The following ABCC9 variants were observed in gnomAD, a reference collection of about 807,000 sequenced individuals.
The protein encoded by ABCC9 is ATP-binding cassette sub-family C member 9.
In ABCC9, 95 loss-of-function variants were observed where a neutral mutation model predicts 188.3. The ratio of observed to expected loss-of-function variants is 0.50; its 90% CI spans 0.43 to 0.60. ABCC9 has a LOEUF of 0.60. Among genes scored for constraint, ABCC9 ranks in the 20% least tolerant of loss-of-function variants. The pLI is 0.00. For missense variants in ABCC9, 1,102 were observed against 1,876.3 expected (o/e 0.59, Z 7.62); for synonymous variants, 659 against 652.7 (o/e 1.01, Z -0.15).
intron 15 of ABCC9, among the ~76,000 whole-genome samples, chr12:21,883,259 C>G (rs112554291): frequency 6.6e-6 from 1 of 152,272 alleles, no homozygotes; most frequent in African/African-American, 2.4e-5. Flanking sequence ...ATCTGTTAGG[C>G]TATGATATGG....
intron 30 of ABCC9, chr12:21,830,995 T>TATCTATCTATC (rs1165502123): frequency 5.9e-5 from 9 of 151,730 alleles, no homozygotes; most frequent in Admixed American, 3.9e-4. Flanking sequence ...TCTATCTATC[T>TATCTATCTATC]ATCTATCTAT....
chr12:21,911,471 G>A (rs956736581), intron 8 of ABCC9, among the ~76,000 whole-genome samples: 1 of 151,818 alleles, frequency 6.6e-6, no homozygotes. Flanking sequence ...AGGTAATTTG[G>A]CTATATCACC....
Position 21,809,893 on chromosome 12 carries a change from G to A in ABCC9, c.4274C>T (p.Ala1425Val). Reference protein sequence around the residue: ...DDRLWEALEIAQLKNMVKSLP... With the variant: ...DDRLWEALEIVQLKNMVKSLP... ...AGATTTGACCATATTCTTCAGCTGA[G>A]CAATTTCTAAGGCTTCCCAGAGTCT... Residue 1425 changes from alanine to valine, a missense_variant, in exon 37 of 40, where the codon GCT (alanine) becomes GTT (valine). This residue lies in a region of ABCC9 where 67 missense variants were observed against 101.0 expected (regional missense o/e 0.66). Transcript: ENST00000261200. 6.2e-7 allele frequency: 1 copy of A among 1,612,502 alleles called. No individual in the cohort carries two copies. Among genetic ancestry groups the A allele is most frequent in the Non-Finnish European group, 8.5e-7 (1 of 1,179,260 alleles).
intron 10 of ABCC9, 57 bp from the exon 11 acceptor site, chr12:21,908,268 T>G: frequency 6.3e-7 from 1 of 1,581,682 alleles, no homozygotes; most frequent in Non-Finnish European, 8.7e-7. Flanking sequence ...AGCCATTGCA[T>G]GAAAGGACAT....
intron 30 of ABCC9, among the ~76,000 whole-genome samples, chr12:21,836,793 A>C (rs1207804367): frequency 6.6e-6 from 1 of 152,202 alleles, no homozygotes; most frequent in East Asian, 1.9e-4. Flanking sequence ...GTGGGGGATG[A>C]ACTGATAGGG....
Position 21,883,430 on chromosome 12 carries a change from G to A in ABCC9, c.1912-557C>T, listed in dbSNP as rs536236208. 4.6e-5 allele frequency among the ~76,000 whole-genome samples: 7 copies of A among 152,302 alleles called. No homozygotes were observed. The South Asian group carries it at 8.3e-4, about 18-fold the overall frequency. ...TGCTCTCATGCCTGCCACCATGTAA[G>A]ATGTGCCTTTGCTTCTCCTTTGCCT... On this transcript the variant is annotated intron_variant, in intron 15 of 39. Transcript: ENST00000261200.
At chr12:21,882,968 A>C (rs1264588190) in intron 15 of ABCC9, 95 bp from the exon 16 acceptor site, 15 of 913,354 alleles carry the variant, frequency 1.6e-5, no homozygotes, top group Non-Finnish European at 2.7e-5. Flanking sequence ...AAGTTCCAAG[A>C]AAAAGAAGTG....
chr12:21,866,170 G>A (rs1449649571), intron 18 of ABCC9, among the ~76,000 whole-genome samples: 4 of 152,040 alleles, frequency 2.6e-5, no homozygotes, highest in Non-Finnish European at 5.9e-5. Flanking sequence ...CTGAAATGTA[G>A]GTGTAAATGG....
chr12:21,895,258 G>C lies in ABCC9; in HGVS notation c.1659+17C>G. 1 of 1,608,434 alleles carries C rather than the reference G, an allele frequency of 6.2e-7. No individual in the cohort carries two copies. The highest frequency in any genetic ancestry group is 8.5e-7 in the Non-Finnish European group (1 of 1,175,092). ...CTGACTTGGTTTCATTTCTAAAAGA[G>C]AGAAAAAGTGTCTTACAGCAAGAAC... On this transcript the variant is annotated intron_variant, in intron 13 of 39. Coordinates refer to ENST00000261200, the MANE Select transcript of ABCC9 (RefSeq NM_020297.4).
intron 39 of ABCC9, chr12:21,805,293 T>C (rs1433635911): frequency 6.2e-7 from 1 of 1,613,768 alleles, no homozygotes; most frequent in African/African-American, 1.3e-5. Flanking sequence ...CCTGCATCCA[T>C]AATAGAAGAG....
chr12:21,876,233 A>G (rs1483279108), intron 16 of ABCC9, among the ~76,000 whole-genome samples: 1 of 152,198 alleles, frequency 6.6e-6, no homozygotes, highest in East Asian at 1.9e-4. Context: ...AGAATGCTAA[A>G]ATCTCTGAAA....
intron 24 of ABCC9, among the ~76,000 whole-genome samples, chr12:21,849,990 CAT>C (rs1317267350): frequency 6.6e-6 from 1 of 151,910 alleles, no homozygotes; most frequent in African/African-American, 2.4e-5. Flanking sequence ...TCAAGCACTG[CAT>C]TAGGAAATTT....
intron 18 of ABCC9, among the ~76,000 whole-genome samples, chr12:21,872,288 A>G (rs1456082317): frequency 6.6e-6 from 1 of 152,190 alleles, no homozygotes; most frequent in East Asian, 1.9e-4. Context: ...TAAATAATGC[A>G]CATTTTCCAT....
At chr12:21,876,570 A>G (rs1946360156) in intron 16 of ABCC9, among the ~76,000 whole-genome samples, 1 of 152,212 alleles carries the variant, frequency 6.6e-6, no homozygotes, top group African/African-American at 2.4e-5. Flanking sequence ...AAAAATCACA[A>G]TACCTTCTAT....
At chr12:21,933,690 A>C in intron 4 of ABCC9, 92 bp downstream of exon 4, 2 of 1,492,584 alleles carry the variant, frequency 1.3e-6, no homozygotes, top group South Asian at 2.3e-5. Flanking sequence ...TATAAAGCAC[A>C]TTTATGGGCA....
At chr12:21,820,174 A>G (rs1942952798) in intron 31 of ABCC9, among the ~76,000 whole-genome samples, 1 of 152,138 alleles carries the variant, frequency 6.6e-6, no homozygotes, top group Non-Finnish European at 1.5e-5. Flanking sequence ...AAAGTCTCAT[A>G]GAGTTTCTGT....
Position 21,910,967 on chromosome 12 carries a change from G to C in ABCC9, c.1023C>G (p.Thr341=), listed in dbSNP as rs369597360. Reference sequence around the variant, plus strand: ...TTTCAAGAAATTCCTTTGATGAGAGGGTTTCTGAAATCTGGTCCCCAAAGA... The same window carrying C: ...TTTCAAGAAATTCCTTTGATGAGAGCGTTTCTGAAATCTGGTCCCCAAAGA... ...GTNNTTGISE[T]LSSKEFLENA... is the part of the protein sequence containing the mutation. The change falls in exon 9 of 40, where the codon ACC becomes ACG. Residue 341 remains threonine, a synonymous_variant. Coordinates refer to ENST00000261200, the MANE Select transcript of ABCC9 (RefSeq NM_020297.4). The C allele has an allele frequency of 6.2e-7, 1 of 1,611,882 alleles. No homozygotes were observed. The highest frequency in any genetic ancestry group is 8.5e-7 in the Non-Finnish European group (1 of 1,178,500).
intron 35 of ABCC9, among the ~76,000 whole-genome samples, chr12:21,812,697 C>T (rs1309435773): frequency 1.3e-5 from 2 of 151,584 alleles, no homozygotes; most frequent in East Asian, 1.9e-4. Context: ...TGGGGCCTCT[C>T]GAGGGGTAGG....
intron 3 of ABCC9, among the ~76,000 whole-genome samples, chr12:21,935,102 C>T (rs1056440601): frequency 8.5e-5 from 13 of 152,198 alleles, no homozygotes; most frequent in African/African-American, 2.6e-4. Context: ...AAATTCTCTT[C>T]TATTCAAATA....
Sources: allele counts gnomAD v4.1 joint callset (sites outside exome capture counted in the v4.1 genomes callset), GRCh38; gene constraint gnomAD v4.1.1; regional missense constraint gnomAD v4.1.1; transcripts MANE v1.5; gene names NCBI Gene and HGNC (gene_info 2026-07-23, HGNC 2026-07-21).